Variants in ITSN2 observed in about 807,000 individuals in gnomAD.
ITSN2 encodes intersectin 2.
In ITSN2, 156 loss-of-function variants were observed where a neutral mutation model predicts 243.7. The observed-to-expected ratio is 0.64, with a 90% confidence interval of 0.56 to 0.73. The LOEUF is 0.73. Ranked by LOEUF, ITSN2 falls within the 30% of genes least tolerant of loss-of-function variation. The probability of loss-of-function intolerance (pLI) is 0.00; values close to 1 mark genes in which losing one functional copy is unlikely to be tolerated. For missense variants in ITSN2, 1,801 were observed against 1,996.1 expected, an observed-to-expected ratio of 0.90 and a Z score of 1.86; for synonymous variants, 703 against 699.9, an observed-to-expected ratio of 1.00 and a Z score of -0.07.
intron 9 of ITSN2, among the ~76,000 whole-genome samples, chr2:24,303,281 A>G (rs1682031483): frequency 6.6e-6 from 1 of 152,170 alleles, no homozygotes; most frequent in South Asian, 2.1e-4. Flanking sequence ...TGCCCCGAAC[A>G]CCTTCCAGTG....
At chr2:24,345,142 AAC>A (rs1687405152) in intron 1 of ITSN2, among the ~76,000 whole-genome samples, 1 of 152,120 alleles carries the variant, frequency 6.6e-6, no homozygotes, top group South Asian at 2.1e-4. Flanking sequence ...CTCAATATAG[AAC>A]TAGCCACATT....
At chr2:24,244,613 C>T (rs1673120988) in intron 29 of ITSN2, among the ~76,000 whole-genome samples, 1 of 152,180 alleles carries the variant, frequency 6.6e-6, no homozygotes. Flanking sequence ...ATTCTCAACA[C>T]CAAGAAAGAT....
At chr2:24,299,854 T>G in intron 12 of ITSN2, 55 bp downstream of exon 12, 1 of 1,407,506 alleles carries the variant, frequency 7.1e-7, no homozygotes. Flanking sequence ...AAATGAAATA[T>G]AGTCACTTAT....
chr2:24,305,242 G>A (rs894726487), intron 8 of ITSN2, among the ~76,000 whole-genome samples: 56 of 152,200 alleles, frequency 3.7e-4, no homozygotes, highest in African/African-American at 1.2e-3. Context: ...TTACATCAAT[G>A]ACTTGATCTA....
At chr2:24,219,708 A>G (rs1670271693) in intron 30 of ITSN2, among the ~76,000 whole-genome samples, 1 of 152,218 alleles carries the variant, frequency 6.6e-6, no homozygotes, top group Non-Finnish European at 1.5e-5. Context: ...GTATGGGGCA[A>G]GCACCCGGTG....
intron 29 of ITSN2, among the ~76,000 whole-genome samples, chr2:24,223,499 T>C (rs1330445646): frequency 6.6e-6 from 1 of 151,146 alleles, no homozygotes. Flanking sequence ...GGCAACAAAG[T>C]GAGACTCTCA....
At chr2:24,317,673 A>G (rs192355941) in intron 2 of ITSN2, among the ~76,000 whole-genome samples, 2 of 152,352 alleles carry the variant, frequency 1.3e-5, no homozygotes, top group East Asian at 3.9e-4. Flanking sequence ...TGGGGCTACA[A>G]ATTGAAAACA....
chr2:24,226,035 C>T (rs144120129), intron 29 of ITSN2, among the ~76,000 whole-genome samples: 1,844 of 152,288 alleles, frequency 0.012, 22 homozygotes, highest in South Asian at 0.027. Context: ...CATTACACAT[C>T]GTCTAACTGG....
chr2:24,248,575 G>A, intron 27 of ITSN2, 54 bp downstream of exon 27: 1 of 1,434,612 alleles, frequency 7.0e-7, no homozygotes, highest in Non-Finnish European at 9.5e-7. Context: ...CTTTTTTATG[G>A]AGCATGCAGT....
chr2:24,345,832 A>G (rs1324394963), intron 1 of ITSN2, among the ~76,000 whole-genome samples: 2 of 152,066 alleles, frequency 1.3e-5, no homozygotes, highest in African/African-American at 4.8e-5. Flanking sequence ...TACCAATTTA[A>G]ATTTGTTGGT....
intron 2 of ITSN2, among the ~76,000 whole-genome samples, chr2:24,318,568 T>C (rs949931085): frequency 2.0e-5 from 3 of 152,246 alleles, no homozygotes; most frequent in African/African-American, 7.2e-5. Context: ...TCACTGACTG[T>C]AGCTGTCTCC....
In ITSN2 at chr2:24,204,497, A is replaced by C. The variant is rs1355387142; in HGVS notation, c.4763-79T>G. 2 of 1,303,468 alleles carry C rather than the reference A, an allele frequency of 1.5e-6. No individual in the cohort carries two copies. Among genetic ancestry groups the C allele is most frequent in the Admixed American group, 3.4e-5 (2 of 59,404 alleles). 80.7% of individuals were successfully genotyped at this position (1,303,468 alleles called of 1,614,324 possible). A position where few individuals can be genotyped will look rare whatever the true frequency, so the allele number is the denominator to read the frequency against. Reference sequence around the variant, plus strand: ...ACTGACAGTGCCCTCCCTGAGCAGAAGCAGGATTCCAATAATGGGTCACTC... The same window carrying C: ...ACTGACAGTGCCCTCCCTGAGCAGACGCAGGATTCCAATAATGGGTCACTC... On this transcript the variant is annotated intron_variant, in intron 38 of 39. Coordinates refer to ENST00000355123, the MANE Select transcript of ITSN2 (RefSeq NM_006277.3). This position sits in a 1 kb window ranked among gnomAD's most constrained non-coding sequence, Gnocchi z 5.1.
At chr2:24,271,431 CTGT>C (rs1677331829) in intron 19 of ITSN2, among the ~76,000 whole-genome samples, 2 of 152,058 alleles carry the variant, frequency 1.3e-5, no homozygotes, top group South Asian at 4.2e-4. Flanking sequence ...CAAAATTTTA[CTGT>C]TGTTTCATTA....
intron 29 of ITSN2, chr2:24,239,073 C>T (rs1037049433): frequency 6.6e-6 from 1 of 152,422 alleles, no homozygotes; most frequent in Non-Finnish European, 1.5e-5. Flanking sequence ...TCAAGACACA[C>T]AAAATAAAAT....
At chr2:24,264,981 A>C (rs1302052931) in intron 20 of ITSN2, among the ~76,000 whole-genome samples, 1 of 151,570 alleles carries the variant, frequency 6.6e-6, no homozygotes, top group Admixed American at 6.6e-5. Context: ...TGTAGAGATG[A>C]GGTCTTGCTT....
chr2:24,295,598 C>T (rs371063617), intron 14 of ITSN2, 66 bp downstream of exon 14: 26 of 1,296,428 alleles, frequency 2.0e-5, no homozygotes, highest in East Asian at 8.4e-5. Context: ...CGTGAGCCAC[C>T]GTGCCCAGCC....
chr2:24,216,319 G>C, intron 31 of ITSN2, 87 bp from the exon 32 acceptor site: 1 of 1,067,452 alleles, frequency 9.4e-7, no homozygotes, highest in Non-Finnish European at 1.3e-6. Context: ...CAATGGTAAT[G>C]ATAACCAGTG....
At chr2:24,347,573 C>A (rs1687655672) in intron 1 of ITSN2, among the ~76,000 whole-genome samples, 1 of 152,114 alleles carries the variant, frequency 6.6e-6, no homozygotes, top group Non-Finnish European at 1.5e-5. Context: ...GTAATCCCAG[C>A]TACTCGGTAG....
chr2:24,233,423 T>C (rs551620656), intron 29 of ITSN2, among the ~76,000 whole-genome samples: 1 of 152,136 alleles, frequency 6.6e-6, no homozygotes. Context: ...CTTGACCAGC[T>C]TGGATTCATT....
Sources: gnomAD v4.1 joint callset for allele counts (sites outside exome capture counted in the v4.1 genomes callset) on GRCh38, gnomAD v4.1.1 for gene constraint, Gnocchi (gnomAD v3.1) non-coding constraint, MANE v1.5 for transcripts, NCBI Gene and HGNC (gene_info 2026-07-23, HGNC 2026-07-21) for gene names.